The following PROSER2 variants were observed in gnomAD, a reference collection of about 807,000 sequenced individuals.
The protein encoded by PROSER2 is proline and serine rich 2, also known as proline and serine-rich protein 2.
Under a neutral mutation model 14.6 loss-of-function variants are expected in PROSER2, and 18 were observed. That is an observed-to-expected ratio of 1.23 (90% CI 0.85 to 1.83). PROSER2 has a LOEUF of 1.83. Among genes scored for constraint, PROSER2 ranks in the 40% most tolerant of loss-of-function variants. The pLI is 0.00. For synonymous variants in PROSER2, 367 were observed against 286.4 expected (o/e 1.28, Z -2.84); for missense variants, 823 against 629.8 (o/e 1.31, Z -3.28).
chr10:11,869,892 G>C lies in PROSER2; in HGVS notation c.794G>C (p.Arg265Pro), dbSNP rs753588585. Residue 265 changes from arginine to proline, a missense_variant, in exon 4 of 4, where the codon CGG becomes CCG. Transcript: ENST00000277570. This position sits in a 1 kb window ranked among gnomAD's most constrained non-coding sequence, Gnocchi z 4.4. ...SNIIVTNGAA[R>P]EPRRTLSRAA... ...ATCATCGTCACCAACGGCGCGGCCC[G>C]GGAGCCCCGCAGGACCCTGTCCAGG... The C allele has an allele frequency of 3.6e-5, 58 of 1,589,172 alleles. No homozygotes were observed. Among genetic ancestry groups the C allele is most frequent in the Middle Eastern group, 1.9e-4 (1 of 5,214 alleles).
intron 1 of PROSER2, chr10:11,831,617 C>G (rs1215695929): frequency 2.0e-5 from 3 of 152,218 alleles, no homozygotes; most frequent in African/African-American, 7.2e-5. Context: ...TGTTCCCCAG[C>G]TAGACTCTGC....
In PROSER2 at chr10:11,856,457, G is replaced by T. The variant is rs570329217; in HGVS notation, c.138+4242G>T. Among the ~76,000 whole-genome samples the T allele has an allele frequency of 6.6e-6, 1 of 152,208 alleles. No homozygotes were observed. Among genetic ancestry groups the T allele is most frequent in the Non-Finnish European group, 1.5e-5 (1 of 68,032 alleles). The stretch of plus-strand genomic sequence containing the variant: ...TAGGATTTGGCTGCTCGGAAAGGGC[G>T]GAGAGCTCTGCACTCGCATGGTTCT... On this transcript the variant is annotated intron_variant, in intron 2 of 3. Coordinates refer to ENST00000277570, the MANE Select transcript of PROSER2 (RefSeq NM_153256.4). This position sits in a 1 kb window ranked among gnomAD's most constrained non-coding sequence, Gnocchi z 5.3.
chr10:11,859,491 C>G (rs1834193711), intron 2 of PROSER2, among the ~76,000 whole-genome samples: 1 of 152,142 alleles, frequency 6.6e-6, no homozygotes. Flanking sequence ...CCTTCTTCTA[C>G]CTTTCTAACT....
chr10:11,854,603 G>T (rs1834087275), intron 2 of PROSER2, among the ~76,000 whole-genome samples: 2 of 142,470 alleles, frequency 1.4e-5, no homozygotes, highest in Admixed American at 1.5e-4. Context: ...GAGCCACCAT[G>T]CCCAGCCTGC....
At chr10:11,849,139 A>T (rs1588490879) in intron 1 of PROSER2, among the ~76,000 whole-genome samples, 1 of 152,240 alleles carries the variant, frequency 6.6e-6, no homozygotes, top group East Asian at 1.9e-4. Flanking sequence ...GTAAGCCGAG[A>T]TTGCAACATT....
Position 11,823,385 on chromosome 10 carries a change from G to C in PROSER2, c.-167G>C, listed in dbSNP as rs935679552. 2 of 152,896 alleles carry C rather than the reference G, an allele frequency of 1.3e-5. No individual in the cohort carries two copies. The highest frequency in any genetic ancestry group is 6.6e-5 in the Admixed American group (1 of 15,240). 9.5% of individuals were successfully genotyped at this position (152,896 alleles called of 1,614,324 possible). A position where few individuals can be genotyped will look rare whatever the true frequency, so the allele number is the denominator to read the frequency against. ...GCGCGCGGCGGGGCGTCCCGGAACAGTCTGCGCCAGACGGGCGGCGGCGTG... is the reference window on the plus strand; with the variant it reads ...GCGCGCGGCGGGGCGTCCCGGAACACTCTGCGCCAGACGGGCGGCGGCGTG... On this transcript the variant is annotated 5_prime_UTR_variant, in exon 1 of 4. Transcript: ENST00000277570. The surrounding 1 kb of genome is among the most constrained non-coding windows in gnomAD (Gnocchi z 6.2).
intron 2 of PROSER2, among the ~76,000 whole-genome samples, chr10:11,864,703 C>G (rs1433554551): frequency 3.3e-5 from 5 of 151,828 alleles, no homozygotes; most frequent in African/African-American, 1.2e-4. Context: ...ATTCTCCTGC[C>G]TCGGCCTCCT....
At chr10:11,861,984 G>T (rs1266540028) in intron 2 of PROSER2, among the ~76,000 whole-genome samples, 1 of 152,204 alleles carries the variant, frequency 6.6e-6, no homozygotes, top group Non-Finnish European at 1.5e-5. Context: ...AACTGTCAGC[G>T]CATCAGACTC....
Position 11,835,118 on chromosome 10 carries a change from AAAAAAAG to A in PROSER2, c.-82+11654_-82+11660del, listed in dbSNP as rs1268791974. On this transcript the variant is annotated intron_variant, in intron 1 of 3. Coordinates refer to ENST00000277570, the MANE Select transcript of PROSER2 (RefSeq NM_153256.4). ...TGAGAATCTGTCTTAAAAAAAAAAA[AAAAAAAG>A]AAAAAGAAAAAGAAGTGTTAGTTAT... is the stretch of plus-strand genomic sequence containing the variant. 1.4e-4 allele frequency among the ~76,000 whole-genome samples: 20 copies of A among 138,092 alleles called. No individual in the cohort carries two copies. In the South Asian group the frequency reaches 2.7e-3, roughly 18 times the overall value. 90.6% of individuals were successfully genotyped at this position (138,092 alleles called of 152,430 possible).
chr10:11,848,557 C>T (rs1460156875), intron 1 of PROSER2, among the ~76,000 whole-genome samples: 1 of 152,120 alleles, frequency 6.6e-6, no homozygotes, highest in Non-Finnish European at 1.5e-5. Flanking sequence ...TTGGTTCTGC[C>T]CACCCTTCAG....
At chr10:11,852,814 G>A (rs188367364) in intron 2 of PROSER2, among the ~76,000 whole-genome samples, 6 of 150,120 alleles carry the variant, frequency 4.0e-5, no homozygotes, top group African/African-American at 9.8e-5. Context: ...GAGCCACCGC[G>A]CCAGGCCTCC....
At position 11,869,457 on chromosome 10, in the gene PROSER2, C is replaced by A; in HGVS notation, c.392-33C>A. 1.3e-6 allele frequency: 2 copies of A among 1,532,526 alleles called. No individual in the cohort carries two copies. Among genetic ancestry groups the A allele is most frequent in the South Asian group, 1.1e-5 (1 of 89,288 alleles). The allele number at this position is 1,532,526 out of a possible 1,614,324, so 94.9% of individuals were successfully genotyped here. A position where few individuals can be genotyped will look rare whatever the true frequency, so the allele number is the denominator to read the frequency against. On this transcript the variant is annotated intron_variant, in intron 3 of 3. Transcript: ENST00000277570. The surrounding 1 kb of genome is among the most constrained non-coding windows in gnomAD (Gnocchi z 4.4). ...TTCATGCATTTACTTTCACGTGGGC[C>A]GGTGGCTCACAGGCTCCTCCCTTGT...
chr10:11,824,517 T>C (rs1356699177), intron 1 of PROSER2, among the ~76,000 whole-genome samples: 1 of 152,196 alleles, frequency 6.6e-6, no homozygotes, highest in Non-Finnish European at 1.5e-5. Flanking sequence ...TGTCTGAATG[T>C]TACTGATTGT....
intron 2 of PROSER2, among the ~76,000 whole-genome samples, chr10:11,852,571 C>A (rs916610072): frequency 6.6e-6 from 1 of 151,882 alleles, no homozygotes; most frequent in South Asian, 2.1e-4. Context: ...TCACTCTGTC[C>A]TCCAGTGGCG....
chr10:11,834,395 G>T (rs1252412221), intron 1 of PROSER2, among the ~76,000 whole-genome samples: 3 of 151,696 alleles, frequency 2.0e-5, no homozygotes, highest in African/African-American at 7.3e-5. Flanking sequence ...AAAGCCTCAC[G>T]TTCTTACAGA....
chr10:11,860,484 CGG>C (rs1564311925), intron 2 of PROSER2, among the ~76,000 whole-genome samples: 1 of 151,944 alleles, frequency 6.6e-6, no homozygotes, highest in Non-Finnish European at 1.5e-5. Flanking sequence ...GGCGTGGTGG[CGG>C]GTGCCTGTAA....
rs1834500936 is a variant in PROSER2 at position 11,872,144 on chromosome 10, C to T, written c.*1738C>T. ...TGATACAACCGACATTTTAAATATTCTTTATACATGAGGACTGCATCTTTT... is the reference window on the plus strand; with the variant it reads ...TGATACAACCGACATTTTAAATATTTTTTATACATGAGGACTGCATCTTTT... On this transcript the variant is annotated 3_prime_UTR_variant, in exon 4 of 4. Coordinates refer to ENST00000277570, the MANE Select transcript of PROSER2 (RefSeq NM_153256.4). 6.6e-6 allele frequency: 1 copy of T among 152,214 alleles called. No homozygotes were observed. The highest frequency in any genetic ancestry group is 1.5e-5 in the Non-Finnish European group (1 of 68,026). The allele number at this position is 152,214 out of a possible 1,614,324, so 9.4% of individuals were successfully genotyped here.
Position 11,830,377 on chromosome 10 carries a change from T to C in PROSER2, c.-82+6907T>C, listed in dbSNP as rs1403149686. Among the ~76,000 whole-genome samples the C allele has an allele frequency of 6.6e-6, 1 of 152,242 alleles. No individual in the cohort carries two copies. On this transcript the variant is annotated intron_variant, in intron 1 of 3. Coordinates refer to ENST00000277570, the MANE Select transcript of PROSER2 (RefSeq NM_153256.4). The surrounding 1 kb of genome is among the most constrained non-coding windows in gnomAD (Gnocchi z 4.5). ...ACATGATTGCATTCATTTTTATGGCTGAGTAGTCGTCCGTGGTGTTTATAT... is the reference window on the plus strand; with the variant it reads ...ACATGATTGCATTCATTTTTATGGCCGAGTAGTCGTCCGTGGTGTTTATAT...
chr10:11,829,724 G>T (rs1410188147), intron 1 of PROSER2, among the ~76,000 whole-genome samples: 3 of 151,428 alleles, frequency 2.0e-5, no homozygotes, highest in African/African-American at 7.3e-5. Flanking sequence ...CAATGAATTT[G>T]TTGCATGAGC....
Sources: gnomAD v4.1 joint callset for allele counts (sites outside exome capture counted in the v4.1 genomes callset) on GRCh38, gnomAD v4.1.1 for gene constraint, Gnocchi (gnomAD v3.1) non-coding constraint, MANE v1.5 for transcripts, NCBI Gene and HGNC (gene_info 2026-07-23, HGNC 2026-07-21) for gene names.